PTPRR: variants seen among roughly 807,000 people sequenced by gnomAD.
PTPRR encodes protein tyrosine phosphatase receptor type R.
In PTPRR, 38 loss-of-function variants were observed where a neutral mutation model predicts 77.2. That is an observed-to-expected ratio of 0.49 (90% CI 0.38 to 0.65). PTPRR has a LOEUF of 0.65. Among genes scored for constraint, PTPRR ranks in the 30% least tolerant of loss-of-function variants. The pLI is 0.00. For missense variants in PTPRR, 744 were observed against 799.2 expected, an observed-to-expected ratio of 0.93 and a Z score of 0.83; for synonymous variants, 299 against 283.1, an observed-to-expected ratio of 1.06 and a Z score of -0.57.
intron 2 of PTPRR, among the ~76,000 whole-genome samples, chr12:70,845,072 A>G (rs372165399): frequency 1.3e-5 from 2 of 152,306 alleles, no homozygotes; most frequent in African/African-American, 4.8e-5. Flanking sequence ...CTGGACATGG[A>G]AAAAGGAAGA....
At chr12:70,865,246 G>A (rs1480745252) in intron 2 of PTPRR, among the ~76,000 whole-genome samples, 1 of 102,284 alleles carries the variant, frequency 9.8e-6, no homozygotes, top group Non-Finnish European at 2.5e-5. Flanking sequence ...GGAACTGTGA[G>A]TCCATTAGAC....
chr12:70,736,979 G>A (rs926449989), intron 6 of PTPRR, among the ~76,000 whole-genome samples: 3 of 152,152 alleles, frequency 2.0e-5, no homozygotes, highest in Non-Finnish European at 4.4e-5. Flanking sequence ...TCTCCAGCTG[G>A]TGCCCCATCC....
chr12:70,659,213 C>T (rs1427392286), intron 12 of PTPRR, among the ~76,000 whole-genome samples: 1 of 152,102 alleles, frequency 6.6e-6, no homozygotes, highest in African/African-American at 2.4e-5. Context: ...CATTGACAAG[C>T]TTTGAGCAGA....
chr12:70,907,001 T>C (rs1352372147), intron 1 of PTPRR: 1 of 152,434 alleles, frequency 6.6e-6, no homozygotes, highest in Non-Finnish European at 1.5e-5. Context: ...TCCTACTCCT[T>C]CAATTGACTA....
At chr12:70,759,769 T>C (rs1281423029) in intron 4 of PTPRR, among the ~76,000 whole-genome samples, 1 of 147,488 alleles carries the variant, frequency 6.8e-6, no homozygotes, top group Admixed American at 6.8e-5. Flanking sequence ...GAGAATATGG[T>C]GTATCATAGA....
intron 2 of PTPRR, among the ~76,000 whole-genome samples, chr12:70,795,033 G>A (rs1298731704): frequency 5.9e-5 from 9 of 152,104 alleles, no homozygotes. Context: ...GTAAGAGAGA[G>A]GGTAGGGAGA....
In PTPRR at chr12:70,911,474, A is replaced by G. The variant is rs1400788833; in HGVS notation, c.58+8859T>C. Among the ~76,000 whole-genome samples the G allele has an allele frequency of 2.6e-5, 4 of 152,172 alleles. No homozygotes were observed. In the East Asian group the frequency reaches 7.7e-4, roughly 29 times the overall value. ...CAAGGCAGTGCAGTAGGAACTAGGC[A>G]CTTCAGATTTATGATGTTTATGTAA... On this transcript the variant is annotated intron_variant, in intron 1 of 13. Coordinates refer to ENST00000283228, the MANE Select transcript of PTPRR (RefSeq NM_002849.4).
At chr12:70,904,509 T>A (rs1198325416) in intron 1 of PTPRR, among the ~76,000 whole-genome samples, 3 of 151,902 alleles carry the variant, frequency 2.0e-5, no homozygotes, top group African/African-American at 7.2e-5. Context: ...AATATAGTTA[T>A]GAAATACAGA....
intron 8 of PTPRR, among the ~76,000 whole-genome samples, chr12:70,685,250 T>A (rs2136737008): frequency 6.6e-6 from 1 of 152,264 alleles, no homozygotes; most frequent in South Asian, 2.1e-4. Flanking sequence ...CCAGATCTCC[T>A]GATCTTCCGA....
chr12:70,906,485 G>A (rs1893624567), intron 1 of PTPRR, among the ~76,000 whole-genome samples: 1 of 152,120 alleles, frequency 6.6e-6, no homozygotes, highest in South Asian at 2.1e-4. Flanking sequence ...ATTGGTAATA[G>A]TAACAAGAGA....
intron 10 of PTPRR, among the ~76,000 whole-genome samples, chr12:70,669,870 G>A (rs1184002710): frequency 1.3e-5 from 2 of 152,110 alleles, no homozygotes; most frequent in Non-Finnish European, 2.9e-5. Context: ...GAAGTGCTGG[G>A]ATTACAATGG....
intron 11 of PTPRR, among the ~76,000 whole-genome samples, chr12:70,661,903 TTTGGG>T (rs1410652917): frequency 6.6e-6 from 1 of 152,210 alleles, no homozygotes; most frequent in East Asian, 1.9e-4. Context: ...GATCGAAATT[TTTGGG>T]TGATTATTCT....
chr12:70,683,360 A>G (rs1887745475), intron 10 of PTPRR, among the ~76,000 whole-genome samples: 3 of 152,328 alleles, frequency 2.0e-5, no homozygotes, highest in South Asian at 4.1e-4. Context: ...GTATTTTTAT[A>G]ATGCAAAATA....
rs1238008397 is a variant in PTPRR, at chr12:70,705,412, T to C, written c.1008-4089A>G. Among the ~76,000 whole-genome samples the C allele has an allele frequency of 5.9e-5, 9 of 152,108 alleles. No individual in the cohort carries two copies. The East Asian group carries it at 1.7e-3, about 29-fold the overall frequency. ...CTAGTATCATGTCTACGGGCTCTAA[T>C]TCTCAGACATGCTACTTTTTTTGCA... is the stretch of plus-strand genomic sequence containing the variant. On this transcript the variant is annotated intron_variant, in intron 6 of 13. Coordinates refer to ENST00000283228, the MANE Select transcript of PTPRR (RefSeq NM_002849.4).
At position 70,764,697 on chromosome 12, in the gene PTPRR, A is replaced by G. The variant is rs1890772627; in HGVS notation, c.439T>C (p.Leu147=). Residue 147 remains leucine (L), a synonymous_variant, in exon 3 of 14, where the codon TTA becomes CTA. Transcript: ENST00000283228. ...RQGVAAALGL[L]PQQVHINRLI... ...CGATTGATGTGCACTTGCTGGGGTA[A>G]GAGTCCTAAAGCTGCAGCCACTCCT... is the stretch of plus-strand genomic sequence containing the variant. The G allele has an allele frequency of 1.2e-6, 2 of 1,614,038 alleles. No individual in the cohort carries two copies. The highest frequency in any genetic ancestry group is 1.7e-6 in the Non-Finnish European group (2 of 1,179,890).
intron 2 of PTPRR, among the ~76,000 whole-genome samples, chr12:70,888,086 A>T (rs1893272972): frequency 6.6e-6 from 1 of 152,030 alleles, no homozygotes. Context: ...GATCACCATA[A>T]CAAAAATGGG....
chr12:70,888,855 A>C (rs1225654092), intron 2 of PTPRR, among the ~76,000 whole-genome samples: 1 of 152,156 alleles, frequency 6.6e-6, no homozygotes, highest in East Asian at 1.9e-4. Flanking sequence ...AGAAGTATAC[A>C]GGCTACTGTA....
intron 8 of PTPRR, among the ~76,000 whole-genome samples, chr12:70,689,401 C>G (rs887154497): frequency 2.0e-5 from 3 of 152,090 alleles, no homozygotes; most frequent in Middle Eastern, 3.4e-3. Context: ...CTAAATCTAC[C>G]CTTGTTGGTA....
At chr12:70,893,534 G>T (rs1470264179) in intron 1 of PTPRR, among the ~76,000 whole-genome samples, 1 of 151,886 alleles carries the variant, frequency 6.6e-6, no homozygotes, top group Non-Finnish European at 1.5e-5. Flanking sequence ...CTCCTTACTT[G>T]TGTAAGTAAT....
Sources: allele counts gnomAD v4.1 joint callset (sites outside exome capture counted in the v4.1 genomes callset), GRCh38; gene constraint gnomAD v4.1.1; transcripts MANE v1.5; gene names NCBI Gene and HGNC (gene_info 2026-07-23, HGNC 2026-07-21).